PICALM: variants seen among roughly 807,000 people sequenced by gnomAD.
PICALM encodes phosphatidylinositol binding clathrin assembly protein.
In PICALM, 40 loss-of-function variants were observed where a neutral mutation model predicts 80.5. The ratio of observed to expected loss-of-function variants is 0.50; its 90% CI spans 0.39 to 0.65. The LOEUF (loss-of-function observed/expected upper bound fraction) is 0.65. Among genes scored for constraint, PICALM ranks in the 30% least tolerant of loss-of-function variants. PICALM has a pLI of 0.00. For synonymous variants in PICALM, 288 were observed against 260.3 expected (o/e 1.11, Z -1.02); for missense variants, 676 against 778.9 (o/e 0.87, Z 1.57).
intron 1 of PICALM, among the ~76,000 whole-genome samples, chr11:86,060,841 T>C (rs1183468463): frequency 6.6e-6 from 1 of 151,768 alleles, no homozygotes; most frequent in African/African-American, 2.4e-5. Context: ...AGCTCCCAAA[T>C]GGTGACATAG....
At chr11:85,996,989 C>A in intron 11 of PICALM, 60 bp from the exon 12 acceptor site, 2 of 882,524 alleles carry the variant, frequency 2.3e-6, no homozygotes, top group South Asian at 2.8e-5. Context: ...ACTTTAGTGT[C>A]ACCTTCTCCA....
chr11:86,057,744 A>G (rs542700158), intron 1 of PICALM, among the ~76,000 whole-genome samples: 23 of 152,328 alleles, frequency 1.5e-4, no homozygotes, highest in Non-Finnish European at 2.5e-4. Flanking sequence ...ACAATACAGT[A>G]TAACAACTGT....
chr11:86,036,574 C>T (rs1215835338), intron 1 of PICALM, among the ~76,000 whole-genome samples: 3 of 152,148 alleles, frequency 2.0e-5, no homozygotes, highest in African/African-American at 7.2e-5. Flanking sequence ...CAAAAATAAT[C>T]AGATGGCTTT....
intron 19 of PICALM, chr11:85,960,836 T>G: frequency 1.4e-6 from 1 of 736,972 alleles, no homozygotes. Flanking sequence ...TGACAGAACA[T>G]GAAAGCAGAA....
rs760630468 is a variant in PICALM at position 86,001,144 on chromosome 11, G to T, written c.908C>A (p.Ser303Tyr). 6.2e-6 allele frequency: 10 copies of T among 1,613,766 alleles called. No homozygotes were observed. Among genetic ancestry groups the T allele is most frequent in the East Asian group, 2.2e-5 (1 of 44,898 alleles). The change falls in exon 10 of 20, where the codon TCC becomes TAC. Residue 303 changes from serine to tyrosine, a missense_variant. Ser to Tyr is a moderately radical substitution (Grantham distance 144). Coordinates refer to ENST00000393346, the MANE Select transcript of PICALM (RefSeq NM_007166.4). The stretch of plus-strand genomic sequence containing the variant: ...GCTTGCCAGGGAAGACACTGCATTG[G>T]AAAGTGTAGTTGCCCTAGGATAATT... ...STAASRATTL[S>Y]NAVSSLASTG...
chr11:85,982,325 TGAA>T (rs2094463194), intron 14 of PICALM: 1 of 217,024 alleles, frequency 4.6e-6, no homozygotes, highest in Non-Finnish European at 9.4e-6. Context: ...CAAAATTTTC[TGAA>T]GACTCACTTA....
intron 19 of PICALM, among the ~76,000 whole-genome samples, chr11:85,972,670 A>G (rs996225353): frequency 6.6e-6 from 1 of 152,246 alleles, no homozygotes; most frequent in Non-Finnish European, 1.5e-5. Flanking sequence ...AAGGTCCCTA[A>G]TAAGTTTTTA....
At chr11:86,049,727 C>T (rs1350278015) in intron 1 of PICALM, among the ~76,000 whole-genome samples, 1 of 151,584 alleles carries the variant, frequency 6.6e-6, no homozygotes, top group Non-Finnish European at 1.5e-5. Flanking sequence ...GCCACCATGC[C>T]TGGCCTCTTT....
At chr11:86,031,652 T>C in intron 1 of PICALM, 41 bp from the exon 2 acceptor site, 1 of 1,461,724 alleles carries the variant, frequency 6.8e-7, no homozygotes, top group East Asian at 2.3e-5. Context: ...TCCTCTGTGG[T>C]TTTAATTTAT....
In PICALM at chr11:85,990,279, G is replaced by A; in HGVS notation, c.1379C>T (p.Thr460Ile). The change falls in exon 13 of 20, where the codon ACT becomes ATT. Residue 460 changes from threonine (T) to isoleucine (I), a missense_variant. Coordinates refer to ENST00000393346, the MANE Select transcript of PICALM (RefSeq NM_007166.4). Reference protein sequence around the residue: ...SISSDVSTFTTRTPTHEMFVG... With the variant: ...SISSDVSTFTIRTPTHEMFVG... ...AAACATTTCATGAGTAGGTGTCCTA[G>A]TAGTAAAAGTAGATACATCTGAAGA... 1.2e-6 allele frequency: 2 copies of A among 1,604,606 alleles called. No homozygotes were observed. The highest frequency in any genetic ancestry group is 1.7e-6 in the Non-Finnish European group (2 of 1,172,642).
chr11:86,013,042 C>A (rs910224303), intron 5 of PICALM, among the ~76,000 whole-genome samples: 1 of 152,176 alleles, frequency 6.6e-6, no homozygotes, highest in African/African-American at 2.4e-5. Context: ...TAGCTCATGC[C>A]TGTGGTCCCA....
intron 5 of PICALM, among the ~76,000 whole-genome samples, chr11:86,012,607 T>C (rs2095417383): frequency 6.6e-6 from 1 of 152,360 alleles, no homozygotes; most frequent in Admixed American, 6.5e-5. Context: ...TGTAACCAGA[T>C]AATTGTATTT....
intron 1 of PICALM, among the ~76,000 whole-genome samples, chr11:86,063,015 T>G (rs566489780): frequency 2.0e-5 from 3 of 152,330 alleles, no homozygotes; most frequent in African/African-American, 7.2e-5. Context: ...TTTTTCTTAC[T>G]TCTTTATTTT....
At chr11:85,992,145 T>C (rs923461202) in intron 12 of PICALM, among the ~76,000 whole-genome samples, 2 of 150,890 alleles carry the variant, frequency 1.3e-5, no homozygotes, top group African/African-American at 4.9e-5. Context: ...AACAAGGACA[T>C]TGGTTTTTAG....
intron 2 of PICALM, among the ~76,000 whole-genome samples, chr11:86,030,767 T>C (rs551488186): frequency 1.3e-5 from 2 of 152,308 alleles, no homozygotes; most frequent in African/African-American, 4.8e-5. Context: ...TAGTCCTAAA[T>C]ATCACAGCTT....
intron 11 of PICALM, among the ~76,000 whole-genome samples, chr11:85,998,332 C>T (rs1178769532): frequency 3.4e-5 from 5 of 148,272 alleles, no homozygotes; most frequent in Admixed American, 6.8e-5. Context: ...AGGATGGTCT[C>T]GATCTCCTGA....
chr11:86,056,143 A>AAAAAAAAAAAAAAAAG (rs1555149116), intron 1 of PICALM, among the ~76,000 whole-genome samples: 1 of 143,792 alleles, frequency 7.0e-6, no homozygotes, highest in African/African-American at 2.5e-5. Context: ...TTTAAAAAAA[A>AAAAAAAAAAAAAAAAG]AAAAAAAGAA....
rs1443829207 is a variant in PICALM at position 86,040,000 on chromosome 11, T to C, written c.131-8389A>G. Among the ~76,000 whole-genome samples the C allele has an allele frequency of 7.8e-5, 8 of 102,790 alleles. No individual in the cohort carries two copies. In the South Asian group the frequency reaches 2.2e-3, roughly 28 times the overall value. 67.4% of individuals were successfully genotyped at this position (102,790 alleles called of 152,430 possible). On this transcript the variant is annotated intron_variant, in intron 1 of 19. Transcript: ENST00000393346. ...GCCTGGGCGACAGAGCATGACGCCG[T>C]CTCAAAAAAAAAAAAAAAAAAAAAA...
At chr11:86,062,695 A>C (rs2096387018) in intron 1 of PICALM, among the ~76,000 whole-genome samples, 1 of 152,306 alleles carries the variant, frequency 6.6e-6, no homozygotes, top group African/African-American at 2.4e-5. Flanking sequence ...AACTCTGAAC[A>C]TAATTTTTAA....
Sources: allele counts gnomAD v4.1 joint callset (sites outside exome capture counted in the v4.1 genomes callset), GRCh38; gene constraint gnomAD v4.1.1; transcripts MANE v1.5; gene names NCBI Gene and HGNC (gene_info 2026-07-23, HGNC 2026-07-21).